NAPB: variants seen among roughly 807,000 people sequenced by gnomAD.
NAPB encodes NSF attachment protein beta.
Under a neutral mutation model 44.7 loss-of-function variants are expected in NAPB, and 26 were observed. The observed-to-expected ratio is 0.58, with a 90% CI of 0.43 to 0.81. The LOEUF is 0.81. Ranked by LOEUF, NAPB falls within the 30% of genes least tolerant of loss-of-function variation. The probability of loss-of-function intolerance (pLI) is 0.00; values close to 1 mark genes in which losing one functional copy is unlikely to be tolerated. For missense variants in NAPB, 315 were observed against 356.4 expected (o/e 0.88, Z 0.94); for synonymous variants, 120 against 116.8 (o/e 1.03, Z -0.18).
intron 5 of NAPB, among the ~76,000 whole-genome samples, chr20:23,391,171 G>C (rs1010478659): frequency 2.6e-5 from 4 of 152,114 alleles, no homozygotes; most frequent in Non-Finnish European, 4.4e-5. Flanking sequence ...AATTAGCCGG[G>C]CGTGGTGTGG....
intron 2 of NAPB, among the ~76,000 whole-genome samples, chr20:23,402,658 T>C (rs953171802): frequency 5.9e-5 from 9 of 152,226 alleles, no homozygotes; most frequent in African/African-American, 2.2e-4. Flanking sequence ...TGGCACTGTG[T>C]TTATTTGAAC....
At chr20:23,393,289 A>C (rs1984104990) in intron 5 of NAPB, among the ~76,000 whole-genome samples, 1 of 152,252 alleles carries the variant, frequency 6.6e-6, no homozygotes, top group Middle Eastern at 3.4e-3. Context: ...GAGTATCCTC[A>C]GAAAAGTATG....
At chr20:23,400,822 A>G (rs949149418) in intron 2 of NAPB, among the ~76,000 whole-genome samples, 120 of 152,308 alleles carry the variant, frequency 7.9e-4, no homozygotes, top group African/African-American at 2.8e-3. Context: ...TGCAGGTAAT[A>G]ATCCAGGGCC....
intron 1 of NAPB, among the ~76,000 whole-genome samples, chr20:23,403,433 T>A (rs549605447): frequency 3.3e-5 from 5 of 152,176 alleles, no homozygotes; most frequent in African/African-American, 1.2e-4. Flanking sequence ...TGAAACCCCA[T>A]CCCTACTGAA....
At chr20:23,377,995 C>T (rs960296335) in intron 10 of NAPB, among the ~76,000 whole-genome samples, 3 of 152,022 alleles carry the variant, frequency 2.0e-5, no homozygotes, top group African/African-American at 7.2e-5. Flanking sequence ...CTGTGATGAA[C>T]ATGTTACAGG....
chr20:23,408,423 A>T (rs1308551741), intron 1 of NAPB, among the ~76,000 whole-genome samples: 1 of 152,222 alleles, frequency 6.6e-6, no homozygotes, highest in Non-Finnish European at 1.5e-5. Context: ...TTTCCCATGT[A>T]TGCCTCAAAA....
In NAPB at chr20:23,393,880, T is replaced by A. The variant is rs547916968; in HGVS notation, c.420+1042A>T. Among the ~76,000 whole-genome samples the A allele has an allele frequency of 3.9e-5, 6 of 152,224 alleles. No individual in the cohort carries two copies. In the South Asian group the frequency reaches 1.2e-3, roughly 32 times the overall value. On this transcript the variant is annotated intron_variant, in intron 5 of 10. Transcript: ENST00000377026. ...GCCACGTGGACATCTGGGGAAGAGCTTTGCAGACAGAGGAAATCGTGGATA... is the reference window on the plus strand; with the variant it reads ...GCCACGTGGACATCTGGGGAAGAGCATTGCAGACAGAGGAAATCGTGGATA...
intron 1 of NAPB, among the ~76,000 whole-genome samples, chr20:23,410,692 G>T (rs1985593282): frequency 6.6e-6 from 1 of 151,660 alleles, no homozygotes; most frequent in Non-Finnish European, 1.5e-5. Context: ...AATAAAAGTT[G>T]TAAAAAAGGA....
chr20:23,404,007 G>A (rs994119450), intron 1 of NAPB, among the ~76,000 whole-genome samples: 7 of 152,104 alleles, frequency 4.6e-5, no homozygotes, highest in African/African-American at 1.4e-4. Flanking sequence ...TGAGAGAAGG[G>A]TACCTCCACT....
At chr20:23,383,156 CAAAAAAAAAAAAA>C (rs34238446) in intron 7 of NAPB, among the ~76,000 whole-genome samples, 1 of 76,746 alleles carries the variant, frequency 1.3e-5, no homozygotes, top group Non-Finnish European at 2.5e-5. Context: ...GACTCGGTCT[CAAAAAAAAAAAAA>C]AAAAAAAAAA....
At chr20:23,394,327 G>A (rs564619857) in intron 5 of NAPB, among the ~76,000 whole-genome samples, 45 of 152,214 alleles carry the variant, frequency 3.0e-4, no homozygotes, top group Middle Eastern at 3.4e-3. Flanking sequence ...GAAGGACACC[G>A]CTCACAAAAA....
At chr20:23,409,816 T>A (rs1408661089) in intron 1 of NAPB, among the ~76,000 whole-genome samples, 1 of 152,166 alleles carries the variant, frequency 6.6e-6, no homozygotes, top group Non-Finnish European at 1.5e-5. Context: ...CTCCATTAAA[T>A]ATAATTTAGG....
chr20:23,420,809 G>GCCCC (rs66487020), intron 1 of NAPB, among the ~76,000 whole-genome samples: 61 of 148,782 alleles, frequency 4.1e-4, no homozygotes, highest in African/African-American at 1.4e-3. Context: ...GAGGCTGACA[G>GCCCC]CCCCCCCCCC....
Position 23,421,312 on chromosome 20 carries a change from G to C in NAPB, c.91C>G (p.Leu31Val). 1 of 1,558,990 alleles carries C rather than the reference G, an allele frequency of 6.4e-7. No homozygotes were observed. The highest frequency in any genetic ancestry group is 1.2e-5 in the South Asian group (1 of 84,846). Reference sequence around the variant, plus strand: ...GCACGGTCTGGCGCTCACCCAAACAGCCCTCGGAGGAAGGAGTGGGAGGCC... The same window carrying C: ...GCACGGTCTGGCGCTCACCCAAACACCCCTCGGAGGAAGGAGTGGGAGGCC... ...VKASHSFLRGLFGGNTRIEEA... is the reference protein window; with the variant it reads ...VKASHSFLRGVFGGNTRIEEA... The change falls in exon 1 of 11, where the codon CTG (leucine) becomes GTG (valine). Residue 31 changes from leucine (L) to valine (V), a missense_variant. Leu to Val is a conservative substitution (Grantham distance 32, BLOSUM62 1). Coordinates refer to ENST00000377026, the MANE Select transcript of NAPB (RefSeq NM_022080.3).
At chr20:23,391,045 T>TGG (rs1983918979) in intron 5 of NAPB, among the ~76,000 whole-genome samples, 1 of 152,178 alleles carries the variant, frequency 6.6e-6, no homozygotes, top group African/African-American at 2.4e-5. Flanking sequence ...CCAGGTGCGG[T>TGG]GGCTCATGCC....
intron 8 of NAPB, 154 bp downstream of exon 8, chr20:23,381,059 C>A: frequency 1.7e-6 from 1 of 591,174 alleles, no homozygotes; most frequent in South Asian, 1.9e-5. Flanking sequence ...TAAAAGATTA[C>A]AACTGGGACA....
intron 7 of NAPB, 22 bp downstream of exon 7, chr20:23,389,924 A>G (rs1983827079): frequency 6.3e-7 from 1 of 1,591,414 alleles, no homozygotes; most frequent in African/African-American, 1.4e-5. Context: ...ACTTCTCTCC[A>G]AGGAAACAAC....
At chr20:23,404,324 G>A (rs1453114561) in intron 1 of NAPB, among the ~76,000 whole-genome samples, 2 of 152,156 alleles carry the variant, frequency 1.3e-5, no homozygotes, top group African/African-American at 4.8e-5. Context: ...ACAGGTCAAG[G>A]CTGACACTGG....
At chr20:23,421,273 C>A (rs781628179) in intron 1 of NAPB, 32 bp downstream of exon 1, 2 of 1,511,446 alleles carry the variant, frequency 1.3e-6, no homozygotes, top group East Asian at 2.6e-5. Context: ...GGAGACCCCC[C>A]CCCCCCAGGG....
Sources: allele counts gnomAD v4.1 joint callset (sites outside exome capture counted in the v4.1 genomes callset), GRCh38; gene constraint gnomAD v4.1.1; transcripts MANE v1.5; gene names NCBI Gene and HGNC (gene_info 2026-07-23, HGNC 2026-07-21).